SMCHD1: variants seen among roughly 807,000 people sequenced by gnomAD.
SMCHD1 encodes the protein structural maintenance of chromosomes flexible hinge domain containing 1.
In SMCHD1, 78 loss-of-function variants were observed where a neutral mutation model predicts 254.7. The observed-to-expected ratio is 0.31, with a 90% CI of 0.26 to 0.37. The LOEUF (loss-of-function observed/expected upper bound fraction) is 0.37. SMCHD1 is among the 10% of genes least tolerant of loss of function. The pLI is 1.00. For synonymous variants in SMCHD1, 766 were observed against 794.9 expected (o/e 0.96, Z 0.61); for missense variants, 1,840 against 2,408.1 (o/e 0.76, Z 4.94).
intron 3 of SMCHD1, 134 bp from the exon 4 acceptor site, chr18:2,673,147 A>G (rs1046418335): frequency 4.5e-6 from 6 of 1,328,248 alleles, no homozygotes; most frequent in Non-Finnish European, 5.8e-6. Context: ...TATGTATTAT[A>G]TCATTAGGAT....
In SMCHD1 at chr18:2,750,143, A is replaced by T. The variant is rs1454725004; in HGVS notation, c.4007+21A>T. ...CCTAGGTAAGAACCAAAAGTTTGAT[A>T]GTTGTTGGTGTTATAGAGATTCGTT... On this transcript the variant is annotated intron_variant, in intron 31 of 47. Transcript: ENST00000320876. 3 of 1,564,770 alleles carry T rather than the reference A, an allele frequency of 1.9e-6. No individual in the cohort carries two copies. In the African/African-American group the frequency reaches 4.1e-5, roughly 21 times the overall value.
In SMCHD1 at chr18:2,655,900, G is replaced by C. The variant is rs1359359096; in HGVS notation, c.-176G>C. 2.5e-6 allele frequency: 1 copy of C among 402,236 alleles called. No homozygotes were observed. Among genetic ancestry groups the C allele is most frequent in the African/African-American group, 2.1e-5 (1 of 48,036 alleles). 24.9% of individuals were successfully genotyped at this position (402,236 alleles called of 1,614,324 possible). A position where few individuals can be genotyped will look rare whatever the true frequency, so the allele number is the denominator to read the frequency against. On this transcript the variant is annotated 5_prime_UTR_variant, in exon 1 of 48. Coordinates refer to ENST00000320876, the MANE Select transcript of SMCHD1 (RefSeq NM_015295.3). ...AGGAGCGCGTTTGAATCGGTTCCCGGGTGATCCTCGCGCCTGCCGCTGCTC... is the reference window on the plus strand; with the variant it reads ...AGGAGCGCGTTTGAATCGGTTCCCGCGTGATCCTCGCGCCTGCCGCTGCTC...
chr18:2,719,326 T>A (rs2074873862), intron 19 of SMCHD1, among the ~76,000 whole-genome samples: 1 of 150,822 alleles, frequency 6.6e-6, no homozygotes, highest in South Asian at 2.2e-4. Context: ...AGTCTCACAC[T>A]GTTGGCCAGG....
At chr18:2,732,130 T>C in intron 24 of SMCHD1, 135 bp from the exon 25 acceptor site, 2 of 622,342 alleles carry the variant, frequency 3.2e-6, no homozygotes, top group Admixed American at 6.3e-5. Context: ...AATAGTATAA[T>C]GCCATCTTAA....
At chr18:2,662,383 C>T (rs1449309986) in intron 1 of SMCHD1, among the ~76,000 whole-genome samples, 6 of 151,778 alleles carry the variant, frequency 4.0e-5, no homozygotes, top group Non-Finnish European at 7.4e-5. Flanking sequence ...TGGTGGCTCA[C>T]GCCTCTAATC....
At chr18:2,688,349 C>T (rs372340334) in intron 5 of SMCHD1, 45 bp from the exon 6 acceptor site, 113 of 1,397,970 alleles carry the variant, frequency 8.1e-5, no homozygotes, top group Admixed American at 1.4e-4. Context: ...TCTTTTGACA[C>T]TTAACTAGCT....
At chr18:2,680,970 G>C (rs996236235) in intron 5 of SMCHD1, among the ~76,000 whole-genome samples, 1 of 152,182 alleles carries the variant, frequency 6.6e-6, no homozygotes, top group East Asian at 1.9e-4. Flanking sequence ...CCCTTGTTAA[G>C]ATATAGGACA....
Position 2,700,554 on chromosome 18 carries a change from A to G in SMCHD1, c.1358A>G (p.Asp453Gly). Residue 453 changes from aspartate to glycine, a missense_variant, in exon 11 of 48, where the codon GAT (aspartate) becomes GGT (glycine). Asp to Gly is a moderately conservative substitution (Grantham distance 94, BLOSUM62 -1). Transcript: ENST00000320876. ...PCFPSKLKDE[D>G]DEDDCFILEK... ...TTTGATCTAGAATTAAAAGATGAAG[A>G]TGATGAAGATGATTGTTTCATACTT... 1 of 1,608,098 alleles carries G rather than the reference A, an allele frequency of 6.2e-7. No individual in the cohort carries two copies. Among genetic ancestry groups the G allele is most frequent in the Non-Finnish European group, 8.5e-7 (1 of 1,177,898 alleles).
chr18:2,753,739 G>A (rs983265725), intron 34 of SMCHD1, among the ~76,000 whole-genome samples: 1 of 151,952 alleles, frequency 6.6e-6, no homozygotes, highest in Non-Finnish European at 1.5e-5. Flanking sequence ...GTGTGTGTGT[G>A]GAGACTGGGT....
In SMCHD1 at chr18:2,671,154, T is replaced by C. The variant is rs540339792; in HGVS notation, c.425-2127T>C. On this transcript the variant is annotated intron_variant, in intron 3 of 47. Transcript: ENST00000320876. The stretch of plus-strand genomic sequence containing the variant: ...TTTCTCCATGTTGGTCAGGCTGGTC[T>C]CAAACCCCTGACTTCAGGCGATCTG... Among the ~76,000 whole-genome samples, 4 of 152,068 alleles carry C rather than the reference T, an allele frequency of 2.6e-5. No homozygotes were observed. In the South Asian group the frequency reaches 8.3e-4, roughly 32 times the overall value.
rs756531175 is a variant in SMCHD1, at chr18:2,752,534, A to G, written c.4328A>G (p.Asp1443Gly). The G allele has an allele frequency of 6.9e-6, 11 of 1,586,598 alleles. No individual in the cohort carries two copies. The highest frequency in any genetic ancestry group is 9.5e-6 in the Non-Finnish European group (11 of 1,155,670). The change falls in exon 34 of 48, where the codon GAT (aspartate) becomes GGT (glycine). Residue 1443 changes from aspartate (D) to glycine (G), a missense_variant. Physicochemically the swap from Asp to Gly is moderately conservative, Grantham distance 94. Coordinates refer to ENST00000320876, the MANE Select transcript of SMCHD1 (RefSeq NM_015295.3). ...AAAATAAAAGATAATGACAAAGAAG[A>G]TGGCTGCTTCTATTTCAGGTATTTC... ...CNKIKDNDKE[D>G]GCFYFRDKVI...
chr18:2,698,174 A>G lies in SMCHD1; in HGVS notation c.1342+133A>G, dbSNP rs481575. The G allele has an allele frequency of 0.95, 601,062 of 633,304 alleles. 288,735 individuals carry two copies. The highest frequency in any genetic ancestry group is 1 in the East Asian group (35,030 of 35,034). The allele number at this position is 633,304 out of a possible 1,614,324, so 39.2% of individuals were successfully genotyped here. A position where few individuals can be genotyped will look rare whatever the true frequency, so the allele number is the denominator to read the frequency against. On this transcript the variant is annotated intron_variant, in intron 10 of 47. Transcript: ENST00000320876. ...AAATTTTTTCTTATGCAAGTCTTAGATTGTTAGGTATTTGTAATTTTTGTA... is the reference window on the plus strand; with the variant it reads ...AAATTTTTTCTTATGCAAGTCTTAGGTTGTTAGGTATTTGTAATTTTTGTA...
intron 1 of SMCHD1, among the ~76,000 whole-genome samples, chr18:2,659,182 A>G (rs1208070746): frequency 1.3e-5 from 2 of 152,296 alleles, no homozygotes; most frequent in East Asian, 3.9e-4. Context: ...CAGTGGTGCC[A>G]TCTTGGCTTA....
intron 45 of SMCHD1, among the ~76,000 whole-genome samples, chr18:2,795,299 C>T (rs1413642093): frequency 2.9e-5 from 4 of 137,734 alleles, no homozygotes; most frequent in African/African-American, 1.0e-4. Context: ...CCTCGTGATC[C>T]ACCCGCCTTG....
intron 17 of SMCHD1, among the ~76,000 whole-genome samples, chr18:2,711,023 C>G (rs1004708792): frequency 3.9e-5 from 6 of 152,046 alleles, no homozygotes; most frequent in Admixed American, 3.9e-4. Flanking sequence ...GTCACCCAGG[C>G]TGGAATGATG....
At chr18:2,667,692 C>G (rs2073477313) in intron 3 of SMCHD1, among the ~76,000 whole-genome samples, 1 of 152,082 alleles carries the variant, frequency 6.6e-6, no homozygotes, top group Admixed American at 6.6e-5. Flanking sequence ...CCAGACATAA[C>G]CACCACTAAC....
At chr18:2,728,423 T>A (rs1239414210) in intron 22 of SMCHD1, 34 bp from the exon 23 acceptor site, 3 of 1,600,758 alleles carry the variant, frequency 1.9e-6, no homozygotes, top group Non-Finnish European at 2.6e-6. Context: ...CTTTGAAACC[T>A]GAATATGTAT....
rs1004342082 is a variant in SMCHD1 at position 2,785,120 on chromosome 18, C to T, written c.5719+499C>T. 16 of 251,646 alleles carry T rather than the reference C, an allele frequency of 6.4e-5. 1 individual carries two copies. The Middle Eastern group carries it at 4.5e-3, about 70-fold the overall frequency. The allele number at this position is 251,646 out of a possible 1,614,324, so 15.6% of individuals were successfully genotyped here. On this transcript the variant is annotated intron_variant, in intron 45 of 47. Coordinates refer to ENST00000320876, the MANE Select transcript of SMCHD1 (RefSeq NM_015295.3). The stretch of plus-strand genomic sequence containing the variant: ...CCTTTTTCCCTTCCACAGGCTGTGT[C>T]CCTTTGCATCTAATTAGCCAATATA...
At chr18:2,675,222 G>A (rs972820772) in intron 5 of SMCHD1, among the ~76,000 whole-genome samples, 3 of 150,540 alleles carry the variant, frequency 2.0e-5, no homozygotes, top group Non-Finnish European at 4.4e-5. Flanking sequence ...AGCTATAGAA[G>A]CTGTCATTTT....
Sources: gnomAD v4.1 joint callset for allele counts (sites outside exome capture counted in the v4.1 genomes callset) on GRCh38, gnomAD v4.1.1 for gene constraint, MANE v1.5 for transcripts, NCBI Gene and HGNC (gene_info 2026-07-23, HGNC 2026-07-21) for gene names.